ZC3H11A: variants seen among roughly 807,000 people sequenced by gnomAD.
ZC3H11A encodes the protein zinc finger CCCH domain-containing protein 11A.
A neutral mutation model predicts 90.8 loss-of-function variants in ZC3H11A; 22 were observed. The ratio of observed to expected loss-of-function variants is 0.24; its 90% CI spans 0.17 to 0.35. The LOEUF (loss-of-function observed/expected upper bound fraction) is 0.35. ZC3H11A is among the 10% of genes least tolerant of loss of function. The pLI, the probability that ZC3H11A is intolerant of heterozygous loss-of-function variation, is 1.00. For missense variants in ZC3H11A, 701 were observed against 964.9 expected (o/e 0.73, Z 3.62); for synonymous variants, 294 against 339.8 (o/e 0.87, Z 1.48).
At chr1:203,801,537 T>C (rs1670558504) in intron 1 of ZC3H11A, 38 bp from the exon 2 acceptor site, 1 of 152,622 alleles carries the variant, frequency 6.6e-6, no homozygotes, top group African/African-American at 2.4e-5. Flanking sequence ...ACTGAATAAC[T>C]AATGTGAGAT....
At chr1:203,804,925 G>A (rs546242909) in intron 2 of ZC3H11A, among the ~76,000 whole-genome samples, 2 of 151,630 alleles carry the variant, frequency 1.3e-5, no homozygotes, top group Admixed American at 6.6e-5. Flanking sequence ...TGCCCAACTC[G>A]GCCTCCTAAA....
chr1:203,802,714 C>CTTTTTTTTTTTTTTTTTTTTTTTT lies in ZC3H11A; in HGVS notation c.-439_-438insTTTTTTTTTTTTTTTTTTTTTTTT, dbSNP rs150416242. 2.3e-5 allele frequency: 3 copies of CTTTTTTTTTTTTTTTTTTTTTTTT among 131,660 alleles called. No individual in the cohort carries two copies. The highest frequency in any genetic ancestry group is 5.5e-5 in the African/African-American group (2 of 36,472). The allele number at this position is 131,660 out of a possible 1,614,324, so 8.2% of individuals were successfully genotyped here. ...TCTCAAGTTCATCTTTAAATGAACT[C>CTTTTTTTTTTTTTTTTTTTTTTTT]TTTTTTTTTGTTTTTTTTTTGTTTT... On this transcript the variant is annotated 5_prime_UTR_variant, in exon 2 of 18. Coordinates refer to ENST00000367210, the MANE Select transcript of ZC3H11A (RefSeq NM_001376342.1).
At chr1:203,799,463 T>C in intron 1 of ZC3H11A, 1 of 703,030 alleles carries the variant, frequency 1.4e-6, no homozygotes, top group Non-Finnish European at 2.6e-6. Flanking sequence ...AAACTGGCCA[T>C]TGGATTTCTA....
chr1:203,841,012 T>C (rs781158172), intron 12 of ZC3H11A, among the ~76,000 whole-genome samples: 2 of 151,744 alleles, frequency 1.3e-5, no homozygotes, highest in Non-Finnish European at 2.9e-5. Flanking sequence ...TGTGCTAAAA[T>C]AATTGCTGTC....
chr1:203,820,468 A>AGTGTGTGTGTGTGTG (rs1678195161), intron 4 of ZC3H11A, among the ~76,000 whole-genome samples: 1 of 150,384 alleles, frequency 6.6e-6, no homozygotes, highest in Non-Finnish European at 1.5e-5. Flanking sequence ...ATCACAAATT[A>AGTGTGTGTGTGTGTG]TGTGTGTGTG....
chr1:203,837,874 A>T, intron 10 of ZC3H11A, 92 bp from the exon 11 acceptor site: 1 of 1,206,114 alleles, frequency 8.3e-7, no homozygotes, highest in South Asian at 1.4e-5. Flanking sequence ...AACACTTAAC[A>T]GAATTATGCT....
chr1:203,795,948 T>G (rs1553256731), intron 1 of ZC3H11A, 154 bp downstream of exon 1: 7 of 141,930 alleles, frequency 4.9e-5, no homozygotes, highest in Non-Finnish European at 1.1e-4. Context: ...TAACGACCCC[T>G]CCCCCCCACC....
At chr1:203,842,491 TGCAGGCTGAG>T (rs1558138953) in intron 12 of ZC3H11A, among the ~76,000 whole-genome samples, 1 of 151,198 alleles carries the variant, frequency 6.6e-6, no homozygotes, top group Non-Finnish European at 1.5e-5. Flanking sequence ...CCAGGCACTC[TGCAGGCTGAG>T]GCAGGAGAAT....
At chr1:203,845,866 A>C (rs1687750749) in intron 12 of ZC3H11A, among the ~76,000 whole-genome samples, 1 of 152,184 alleles carries the variant, frequency 6.6e-6, no homozygotes, top group Non-Finnish European at 1.5e-5. Context: ...ACTCTGTCTC[A>C]AAAAACAAGC....
At chr1:203,796,520 C>G (rs1283786279) in intron 1 of ZC3H11A, 1 of 398,820 alleles carries the variant, frequency 2.5e-6, no homozygotes, top group Non-Finnish European at 4.4e-6. Flanking sequence ...TGGGGAAGGC[C>G]TATATTGTTG....
chr1:203,830,190 T>A lies in ZC3H11A; in HGVS notation c.687T>A (p.Ser229=). The A allele has an allele frequency of 1.2e-6, 2 of 1,601,804 alleles. No individual in the cohort carries two copies. The highest frequency in any genetic ancestry group is 2.2e-5 in the South Asian group (2 of 89,284). Residue 229 remains serine (S), a synonymous_variant, in exon 8 of 18, where the codon TCT becomes TCA. Coordinates refer to ENST00000367210, the MANE Select transcript of ZC3H11A (RefSeq NM_001376342.1). ...EIKSKKMKEK[S]KKQGEGSSGV... The stretch of plus-strand genomic sequence containing the variant: ...AGTCAAAGAAAATGAAGGAAAAATC[T>A]AAGAAGCAAGGTGGTAAGTCATCAC...
Position 203,852,261 on chromosome 1 carries a change from C to T in ZC3H11A, c.2295C>T (p.Pro765=). ...TCAGCTCTGCCTCAACAGGAAAGCC[C>T]CCACTCTCTGTGGAGGATGATTTTG... ...RRLSSASTGK[P]PLSVEDDFEK... is the part of the protein sequence containing the mutation. The change falls in exon 18 of 18, where the codon CCC becomes CCT. Residue 765 remains proline (P), a synonymous_variant. Transcript: ENST00000367210. The T allele has an allele frequency of 6.2e-7, 1 of 1,613,662 alleles. No individual in the cohort carries two copies. The highest frequency in any genetic ancestry group is 8.5e-7 in the Non-Finnish European group (1 of 1,179,822).
In ZC3H11A at chr1:203,850,527, T is replaced by C. The variant is rs774220377; in HGVS notation, c.1952T>C (p.Val651Ala). The C allele has an allele frequency of 6.2e-7, 1 of 1,613,958 alleles. No individual in the cohort carries two copies. The highest frequency in any genetic ancestry group is 1.7e-5 in the Admixed American group (1 of 60,010). Residue 651 changes from valine (V) to alanine (A), a missense_variant, in exon 16 of 18, where the codon GTG becomes GCG. Val to Ala is a moderately conservative substitution (Grantham distance 64). This residue lies in a region of ZC3H11A where 530 missense variants were observed against 696.2 expected (regional missense o/e 0.76). Coordinates refer to ENST00000367210, the MANE Select transcript of ZC3H11A (RefSeq NM_001376342.1). ...CTGCCCTTTGTAGCTAAACCCAAAGTGAACGTGAAGCCATCTGTGGTTAAA... is the reference window on the plus strand; with the variant it reads ...CTGCCCTTTGTAGCTAAACCCAAAGCGAACGTGAAGCCATCTGTGGTTAAA... ...LEKRGKAKPK[V>A]NVKPSVVKVV...
chr1:203,840,528 G>C (rs943287400), intron 12 of ZC3H11A, among the ~76,000 whole-genome samples, 154 bp downstream of exon 12: 10 of 152,070 alleles, frequency 6.6e-5, no homozygotes, highest in African/African-American at 2.4e-4. Flanking sequence ...AGTCAGCTCA[G>C]ACTCAACTGG....
chr1:203,804,396 C>T (rs1553258759), intron 2 of ZC3H11A, among the ~76,000 whole-genome samples: 1 of 151,938 alleles, frequency 6.6e-6, no homozygotes. Flanking sequence ...TCGTGATCCG[C>T]CCGCCTCGGC....
chr1:203,827,658 G>A (rs1680998803), intron 4 of ZC3H11A, among the ~76,000 whole-genome samples: 1 of 151,226 alleles, frequency 6.6e-6, no homozygotes, highest in Admixed American at 6.6e-5. Flanking sequence ...CTCCAGCCTG[G>A]GTGACAGAGC....
At chr1:203,852,102 T>G in intron 17 of ZC3H11A, 39 bp from the exon 18 acceptor site, 3 of 1,611,288 alleles carry the variant, frequency 1.9e-6, no homozygotes, top group Non-Finnish European at 1.7e-6. Flanking sequence ...CAACTATTTT[T>G]AAAACGGCAG....
intron 1 of ZC3H11A, chr1:203,797,513 C>A: frequency 6.7e-7 from 1 of 1,485,496 alleles, no homozygotes; most frequent in Non-Finnish European, 8.9e-7. Context: ...ATTGTGGAGA[C>A]ATAAAGAGAA....
chr1:203,820,566 C>T (rs1299413349), intron 4 of ZC3H11A, among the ~76,000 whole-genome samples: 1 of 151,770 alleles, frequency 6.6e-6, no homozygotes, highest in East Asian at 1.9e-4. Context: ...CGACCTCTGC[C>T]TCCTGAGTTC....
Sources: allele counts gnomAD v4.1 joint callset (sites outside exome capture counted in the v4.1 genomes callset), GRCh38; gene constraint gnomAD v4.1.1; regional missense constraint gnomAD v4.1.1; transcripts MANE v1.5; gene names NCBI Gene and HGNC (gene_info 2026-07-23, HGNC 2026-07-21).